The following SLIT2 variants were observed in gnomAD, a reference collection of about 807,000 sequenced individuals.
SLIT2 encodes the protein slit homolog 2 protein.
In SLIT2, 41 loss-of-function variants were observed where a neutral mutation model predicts 185.7. The ratio of observed to expected loss-of-function variants is 0.22; its 90% CI spans 0.17 to 0.29. The LOEUF is 0.29. Among genes scored for constraint, SLIT2 ranks in the 10% least tolerant of loss-of-function variants. The pLI, the probability that SLIT2 is intolerant of heterozygous loss-of-function variation, is 1.00. For missense variants in SLIT2, 1,571 were observed against 1,909.0 expected, an observed-to-expected ratio of 0.82 and a Z score of 3.30; for synonymous variants, 693 against 680.2, an observed-to-expected ratio of 1.02 and a Z score of -0.29.
chr4:20,357,675 A>G (rs921826051), intron 4 of SLIT2, among the ~76,000 whole-genome samples: 1 of 152,168 alleles, frequency 6.6e-6, no homozygotes, highest in Non-Finnish European at 1.5e-5. Context: ...GAAAAGAAAG[A>G]CAAAATCCGT....
intron 5 of SLIT2, among the ~76,000 whole-genome samples, chr4:20,472,477 T>TATATCTATATATATAG (rs1715446927): frequency 3.6e-5 from 1 of 27,926 alleles, no homozygotes; most frequent in African/African-American, 2.3e-4. Context: ...TATATATAGA[T>TATATCTATATATATAG]ATATATCTAT....
At chr4:20,430,452 G>A (rs1281342205) in intron 4 of SLIT2, among the ~76,000 whole-genome samples, 4 of 152,126 alleles carry the variant, frequency 2.6e-5, no homozygotes, top group Non-Finnish European at 4.4e-5. Context: ...CTACTGCAGC[G>A]TCAGGGAAAA....
At chr4:20,389,990 C>T (rs1725287229) in intron 4 of SLIT2, among the ~76,000 whole-genome samples, 1 of 152,072 alleles carries the variant, frequency 6.6e-6, no homozygotes, top group East Asian at 1.9e-4. Flanking sequence ...CTAAGAATCT[C>T]AGCTAGCTTT....
At chr4:20,508,903 A>T (rs1719447171) in intron 9 of SLIT2, among the ~76,000 whole-genome samples, 1 of 152,074 alleles carries the variant, frequency 6.6e-6, no homozygotes, top group Non-Finnish European at 1.5e-5. Flanking sequence ...GTTGAAGAAA[A>T]ACCGTAGCAC....
chr4:20,357,759 C>G (rs186758320), intron 4 of SLIT2, among the ~76,000 whole-genome samples: 10 of 152,156 alleles, frequency 6.6e-5, no homozygotes, highest in African/African-American at 2.2e-4. Context: ...CTCCTAACAG[C>G]TTTTATTCCC....
In SLIT2 at chr4:20,610,415, C is replaced by A. The variant is rs148913777; in HGVS notation, c.3847+248C>A. Among the ~76,000 whole-genome samples, 430 of 152,232 alleles carry A rather than the reference C, an allele frequency of 2.8e-3. 3 individuals are homozygous for A. Among genetic ancestry groups the A allele is most frequent in the African/African-American group, 9.3e-3 (386 of 41,542 alleles). On this transcript the variant is annotated intron_variant, in intron 34 of 36. Transcript: ENST00000504154. ...TAGAGAAAGACATTAATTAATATTT[C>A]TTTTGTGTCAATCACATATGCTAGG...
At chr4:20,576,558 G>A (rs1419440224) in intron 29 of SLIT2, among the ~76,000 whole-genome samples, 1 of 152,156 alleles carries the variant, frequency 6.6e-6, no homozygotes, top group Admixed American at 6.6e-5. Flanking sequence ...GATGTGTAAG[G>A]TCTTTATATC....
intron 9 of SLIT2, among the ~76,000 whole-genome samples, chr4:20,506,846 A>G (rs1053841671): frequency 2.6e-5 from 4 of 152,040 alleles, no homozygotes; most frequent in African/African-American, 9.7e-5. Flanking sequence ...TGAATGAAGG[A>G]TGCAATTACG....
At position 20,302,069 on chromosome 4, in the gene SLIT2, A is replaced by C. The variant is rs908326528; in HGVS notation, c.395+33188A>C. 4.6e-5 allele frequency among the ~76,000 whole-genome samples: 7 copies of C among 152,210 alleles called. No homozygotes were observed. In the East Asian group the frequency reaches 1.3e-3, roughly 29 times the overall value. ...TTACAGAAAGAGTATGTATCTAATA[A>C]GTGACAAAAATAGAACTAGAGAAAC... is the stretch of plus-strand genomic sequence containing the variant. On this transcript the variant is annotated intron_variant, in intron 4 of 36. Coordinates refer to ENST00000504154, the MANE Select transcript of SLIT2 (RefSeq NM_004787.4).
intron 4 of SLIT2, among the ~76,000 whole-genome samples, chr4:20,294,710 T>A (rs556129214): frequency 7.2e-5 from 11 of 152,330 alleles, no homozygotes; most frequent in African/African-American, 2.4e-4. Flanking sequence ...ATGTAATTTA[T>A]GGATGAAAAA....
chr4:20,388,890 TAATA>T (rs1032773981), intron 4 of SLIT2, among the ~76,000 whole-genome samples: 5 of 144,394 alleles, frequency 3.5e-5, no homozygotes, highest in East Asian at 2.0e-4. Context: ...ATATAAAACA[TAATA>T]TATATAATAT....
intron 34 of SLIT2, among the ~76,000 whole-genome samples, chr4:20,610,913 C>T (rs1038731509): frequency 1.1e-4 from 16 of 152,010 alleles, no homozygotes; most frequent in African/African-American, 3.9e-4. Context: ...GAGATATAAG[C>T]AAAGTTCTGT....
chr4:20,587,008 G>A (rs1358451612), intron 29 of SLIT2, among the ~76,000 whole-genome samples: 6 of 151,948 alleles, frequency 3.9e-5, no homozygotes, highest in African/African-American at 7.3e-5. Context: ...TATAATGTTC[G>A]GTGATAATAA....
At chr4:20,353,647 G>A (rs1308999669) in intron 4 of SLIT2, among the ~76,000 whole-genome samples, 14 of 152,154 alleles carry the variant, frequency 9.2e-5, no homozygotes, top group Non-Finnish European at 1.6e-4. Context: ...GAGAATACAG[G>A]TAAATACATT....
intron 5 of SLIT2, among the ~76,000 whole-genome samples, chr4:20,471,363 A>G (rs539968391): frequency 2.6e-5 from 4 of 152,200 alleles, no homozygotes; most frequent in South Asian, 4.1e-4. Flanking sequence ...ACTGGTGAAC[A>G]TAAGTCATCG....
At chr4:20,496,529 C>T (rs1280792291) in intron 9 of SLIT2, among the ~76,000 whole-genome samples, 1 of 152,122 alleles carries the variant, frequency 6.6e-6, no homozygotes, top group Admixed American at 6.5e-5. Context: ...TCCAACAGGC[C>T]TCATTATACT....
At chr4:20,424,099 G>A (rs1430250810) in intron 4 of SLIT2, among the ~76,000 whole-genome samples, 1 of 152,114 alleles carries the variant, frequency 6.6e-6, no homozygotes, top group Non-Finnish European at 1.5e-5. Context: ...CTCAGAGTTG[G>A]CATAGAACAT....
chr4:20,563,763 T>G (rs1448305462), intron 26 of SLIT2, among the ~76,000 whole-genome samples: 1 of 151,828 alleles, frequency 6.6e-6, no homozygotes, highest in African/African-American at 2.4e-5. Context: ...ATAAAACACT[T>G]TTTGTTCCTC....
chr4:20,489,378 A>G (rs1284224489), intron 8 of SLIT2, among the ~76,000 whole-genome samples: 1 of 152,250 alleles, frequency 6.6e-6, no homozygotes, highest in Non-Finnish European at 1.5e-5. Context: ...CAATTCAGCC[A>G]TAGTTGCAAA....
Sources: allele counts gnomAD v4.1 joint callset (sites outside exome capture counted in the v4.1 genomes callset), GRCh38; gene constraint gnomAD v4.1.1; transcripts MANE v1.5; gene names NCBI Gene and HGNC (gene_info 2026-07-23, HGNC 2026-07-21).